CSTPP1: variants seen among roughly 807,000 people sequenced by gnomAD.
CSTPP1 encodes UPF0705 protein C11orf49.
the CSTPP1 span, among the ~76,000 whole-genome samples, chr11:46,982,525 G>T: frequency 2.0e-5 from 3 of 151,986 alleles, no homozygotes; most frequent in Non-Finnish European, 4.4e-5. Context: ...TTTCCAAATA[G>T]GACCCCTTAT....
chr11:47,118,752 A>G, the CSTPP1 span, among the ~76,000 whole-genome samples: 1 of 152,366 alleles, frequency 6.6e-6, no homozygotes, highest in Admixed American at 6.5e-5. Flanking sequence ...GTTCCACTAC[A>G]GACCCTGTTT....
At chr11:47,037,993 C>G in the CSTPP1 span, among the ~76,000 whole-genome samples, 3 of 123,312 alleles carry the variant, frequency 2.4e-5, 1 homozygote, top group Non-Finnish European at 5.9e-5. Context: ...CCCCACCTCC[C>G]TCCTGGACGG....
chr11:47,014,898 A>C, the CSTPP1 span, among the ~76,000 whole-genome samples: 2 of 152,126 alleles, frequency 1.3e-5, no homozygotes, highest in African/African-American at 4.8e-5. Context: ...ATACCAGAAA[A>C]ACAGTAGAGA....
chr11:46,945,074 A>G, the CSTPP1 span, among the ~76,000 whole-genome samples: 1 of 152,288 alleles, frequency 6.6e-6, no homozygotes, highest in South Asian at 2.1e-4. Flanking sequence ...TCTGACTTCC[A>G]GACACATTCT....
At chr11:46,940,466 C>A in the CSTPP1 span, among the ~76,000 whole-genome samples, 1 of 152,110 alleles carries the variant, frequency 6.6e-6, no homozygotes. Flanking sequence ...CATTTTGCCA[C>A]CAGCAATGAA....
chr11:47,084,913 G>A, the CSTPP1 span, among the ~76,000 whole-genome samples: 11 of 152,180 alleles, frequency 7.2e-5, 1 homozygote, highest in South Asian at 2.1e-4. Flanking sequence ...CGCCGGGTGC[G>A]ATGGATTACG....
chr11:47,153,770 AAGATCGCAG>A, the CSTPP1 span, among the ~76,000 whole-genome samples: 3 of 152,156 alleles, frequency 2.0e-5, no homozygotes, highest in Non-Finnish European at 2.9e-5. Context: ...TCTCTTCAGG[AAGATCGCAG>A]CAAAGGGAGT....
the CSTPP1 span, among the ~76,000 whole-genome samples, chr11:47,130,315 A>C: frequency 3.9e-5 from 6 of 152,026 alleles, no homozygotes; most frequent in Non-Finnish European, 8.8e-5. Context: ...GAACACACTG[A>C]AGATGCTCTG....
the CSTPP1 span, among the ~76,000 whole-genome samples, chr11:47,010,553 T>G: frequency 6.6e-6 from 1 of 152,346 alleles, no homozygotes; most frequent in South Asian, 2.1e-4. Flanking sequence ...TTCAGCCACC[T>G]GTGGATTTTG....
chr11:46,957,493 A>G, the CSTPP1 span, among the ~76,000 whole-genome samples: 4 of 152,174 alleles, frequency 2.6e-5, no homozygotes, highest in African/African-American at 9.6e-5. Context: ...TGTGTTGGAG[A>G]TAATTTTCCC....
chr11:47,153,592 C>G, the CSTPP1 span, among the ~76,000 whole-genome samples: 1 of 152,146 alleles, frequency 6.6e-6, no homozygotes, highest in Non-Finnish European at 1.5e-5. Flanking sequence ...AGACTCTTCA[C>G]GTGTAGAATG....
chr11:47,097,186 T>C, the CSTPP1 span, among the ~76,000 whole-genome samples: 9 of 117,982 alleles, frequency 7.6e-5, no homozygotes, highest in Admixed American at 1.8e-4. Context: ...CCGCCCCGTC[T>C]GGGAGGTGAG....
At chr11:47,164,189 G>A in the CSTPP1 span, 1 of 1,614,020 alleles carries the variant, frequency 6.2e-7, no homozygotes, top group Non-Finnish European at 8.5e-7. Context: ...AGGAGGCCCT[G>A]GAGAGAGTGT....
chr11:47,056,088 C>T, the CSTPP1 span, among the ~76,000 whole-genome samples: 111 of 152,260 alleles, frequency 7.3e-4, no homozygotes, highest in African/African-American at 2.6e-3. Flanking sequence ...TTCCAGGACC[C>T]CTGTTTATAC....
At chr11:47,158,439 A>G in the CSTPP1 span, among the ~76,000 whole-genome samples, 2 of 151,992 alleles carry the variant, frequency 1.3e-5, no homozygotes, top group Admixed American at 6.6e-5. Flanking sequence ...TTTTTCACTG[A>G]GCCTTCTCCA....
chr11:47,147,695 C>A, the CSTPP1 span, among the ~76,000 whole-genome samples: 2 of 152,150 alleles, frequency 1.3e-5, no homozygotes, highest in African/African-American at 4.8e-5. Flanking sequence ...TGCAGGTGGT[C>A]TCGGAACTGT....
chr11:47,074,564 A>G, the CSTPP1 span, among the ~76,000 whole-genome samples: 1 of 151,940 alleles, frequency 6.6e-6, no homozygotes, highest in Non-Finnish European at 1.5e-5. Flanking sequence ...AAGGGGGGAA[A>G]TTTTCTTTTA....
the CSTPP1 span, among the ~76,000 whole-genome samples, chr11:46,938,875 C>T: frequency 6.7e-6 from 1 of 149,112 alleles, no homozygotes; most frequent in Non-Finnish European, 1.5e-5. Context: ...CCTCCGGGCT[C>T]AAGTGATCCT....
At chr11:47,129,256 G>C in the CSTPP1 span, among the ~76,000 whole-genome samples, 1 of 152,194 alleles carries the variant, frequency 6.6e-6, no homozygotes, top group Non-Finnish European at 1.5e-5. Context: ...GCACGTGAGT[G>C]GTGGTGCAAA....
Sources: gnomAD v4.1 joint callset for allele counts (sites outside exome capture counted in the v4.1 genomes callset) on GRCh38, gnomAD v4.1.1 for gene constraint, MANE v1.5 for transcripts, NCBI Gene and HGNC (gene_info 2026-07-23, HGNC 2026-07-21) for gene names.